RABGEF1: variants seen among roughly 807,000 people sequenced by gnomAD.
RABGEF1 encodes rab5 GDP/GTP exchange factor.
A neutral mutation model predicts 57.3 loss-of-function variants in RABGEF1; 26 were observed. The ratio of observed to expected loss-of-function variants is 0.45; its 90% CI spans 0.33 to 0.63. The LOEUF is 0.63. Among genes scored for constraint, RABGEF1 ranks in the 20% least tolerant of loss-of-function variants. RABGEF1 has a pLI of 0.02. For synonymous variants in RABGEF1, 185 were observed against 210.7 expected, an observed-to-expected ratio of 0.88 and a Z score of 1.06; for missense variants, 464 against 607.6, an observed-to-expected ratio of 0.76 and a Z score of 2.48.
intron 2 of RABGEF1, among the ~76,000 whole-genome samples, chr7:66,721,747 C>A (rs1796075558): frequency 1.3e-5 from 2 of 152,248 alleles, no homozygotes; most frequent in Non-Finnish European, 1.5e-5. Context: ...GCGGGCAGAT[C>A]TCTTGAGCTT....
chr7:66,717,012 C>T (rs866046137), intron 2 of RABGEF1, among the ~76,000 whole-genome samples: 1 of 152,226 alleles, frequency 6.6e-6, no homozygotes, highest in Non-Finnish European at 1.5e-5. Flanking sequence ...CTCCTGGCCT[C>T]AGGTGATCCG....
chr7:66,682,170 C>T (rs1463356284), exon 1 of RABGEF1: 3 of 167,502 alleles, frequency 1.8e-5, no homozygotes, highest in Non-Finnish European at 4.4e-5. Flanking sequence ...GAACCCAGAC[C>T]TGCCGAGCGA....
chr7:66,805,052 A>G (rs762327932), intron 7 of RABGEF1, 88 bp from the exon 8 acceptor site: 201 of 1,409,972 alleles, frequency 1.4e-4, no homozygotes, highest in Admixed American at 8.8e-4. Context: ...GGATTCCTTC[A>G]TAACTTTAGA....
intron 1 of RABGEF1, chr7:66,770,312 T>G (rs1377868559): frequency 6.6e-6 from 1 of 152,232 alleles, no homozygotes; most frequent in Non-Finnish European, 1.5e-5. Flanking sequence ...TTTTCTGTGC[T>G]TGTTTGGCAG....
chr7:66,783,436 T>C (rs1335654999), intron 3 of RABGEF1, among the ~76,000 whole-genome samples: 1 of 152,230 alleles, frequency 6.6e-6, no homozygotes, highest in Non-Finnish European at 1.5e-5. Flanking sequence ...AGAACAACTT[T>C]TATTTCAGTA....
the RABGEF1 span, among the ~76,000 whole-genome samples, chr7:66,662,991 C>T: frequency 2.0e-5 from 3 of 152,214 alleles, no homozygotes; most frequent in Non-Finnish European, 4.4e-5. Context: ...ATGGCCCTAA[C>T]GCCCAAGCTG....
rs146819005 is a variant in RABGEF1 at position 66,779,815 on chromosome 7, C to G, written c.347-3860C>G. On this transcript the variant is annotated intron_variant, in intron 3 of 8. Transcript: ENST00000284957. ...ATATTTCCTACTTCTTCACTTCTTT[C>G]ATCTTACACACGGAATCCCTATTGG... 6.2e-3 allele frequency among the ~76,000 whole-genome samples: 944 copies of G among 152,204 alleles called. 10 individuals are homozygous for G. Among genetic ancestry groups the G allele is most frequent in the African/African-American group, 0.021 (883 of 41,546 alleles).
chr7:66,750,203 A>T (rs1801105406), intron 1 of RABGEF1, among the ~76,000 whole-genome samples: 1 of 152,162 alleles, frequency 6.6e-6, no homozygotes, highest in Non-Finnish European at 1.5e-5. Context: ...TTATTTGTCT[A>T]GGGTTTTAAA....
At chr7:66,746,618 C>CTT (rs1206614304) in intron 1 of RABGEF1, among the ~76,000 whole-genome samples, 121 of 92,196 alleles carry the variant, frequency 1.3e-3, no homozygotes, top group Non-Finnish European at 1.4e-3. Flanking sequence ...ATAATATAAC[C>CTT]TTTTTTTTTT....
At chr7:66,783,633 C>A in intron 3 of RABGEF1, 42 bp from the exon 4 acceptor site, 1 of 1,521,636 alleles carries the variant, frequency 6.6e-7, no homozygotes, top group South Asian at 1.3e-5. Flanking sequence ...ATGCATGGAT[C>A]TTTTATGTCA....
the RABGEF1 span, among the ~76,000 whole-genome samples, chr7:66,659,366 C>T: frequency 1.3e-5 from 2 of 151,630 alleles, no homozygotes; most frequent in African/African-American, 2.4e-5. Flanking sequence ...GCAGGGGAAT[C>T]GCTTGAACAC....
chr7:66,742,669 C>G (rs1367334403), intron 1 of RABGEF1, among the ~76,000 whole-genome samples: 1 of 152,102 alleles, frequency 6.6e-6, no homozygotes, highest in African/African-American at 2.4e-5. Flanking sequence ...TACAGTGACA[C>G]GATCACGAGT....
intron 1 of RABGEF1, among the ~76,000 whole-genome samples, chr7:66,685,875 T>G (rs184587089): frequency 1.1e-4 from 16 of 152,322 alleles, no homozygotes; most frequent in African/African-American, 3.8e-4. Context: ...AGCAAACATC[T>G]CTAGCAGAGA....
chr7:66,715,050 C>T (rs1333240416), intron 2 of RABGEF1, among the ~76,000 whole-genome samples: 3 of 151,890 alleles, frequency 2.0e-5, no homozygotes, highest in South Asian at 4.2e-4. Context: ...ACTTCTTCTC[C>T]TTCTCTTTCT....
upstream of RABGEF1, among the ~76,000 whole-genome samples, chr7:66,680,288 C>A (rs1299840362): frequency 6.6e-6 from 1 of 151,906 alleles, no homozygotes; most frequent in Non-Finnish European, 1.5e-5. Flanking sequence ...CTCTTGTTGC[C>A]CAAGCTGGAG....
chr7:66,797,609 A>G (rs557390788), intron 6 of RABGEF1, 103 bp downstream of exon 6: 163 of 1,279,464 alleles, frequency 1.3e-4, no homozygotes, highest in Non-Finnish European at 1.7e-4. Context: ...AGGGAAAGCA[A>G]TAGCTCATGT....
At chr7:66,662,819 G>T in the RABGEF1 span, among the ~76,000 whole-genome samples, 1 of 151,778 alleles carries the variant, frequency 6.6e-6, no homozygotes, top group Non-Finnish European at 1.5e-5. Flanking sequence ...GTAGGTGTGC[G>T]TGTGCAGGCA....
At chr7:66,788,313 C>A (rs1304790167) in intron 4 of RABGEF1, among the ~76,000 whole-genome samples, 1 of 151,972 alleles carries the variant, frequency 6.6e-6, no homozygotes, top group African/African-American at 2.4e-5. Context: ...GGCATGGTGG[C>A]GCTCGCCTGT....
the RABGEF1 span, among the ~76,000 whole-genome samples, chr7:66,665,758 G>C: frequency 6.6e-6 from 1 of 152,216 alleles, no homozygotes; most frequent in Non-Finnish European, 1.5e-5. Flanking sequence ...GTAGCTTGGG[G>C]GGTGGCCTGG....
Sources: gnomAD v4.1 joint callset for allele counts (sites outside exome capture counted in the v4.1 genomes callset) on GRCh38, gnomAD v4.1.1 for gene constraint, MANE v1.5 for transcripts, NCBI Gene and HGNC (gene_info 2026-07-23, HGNC 2026-07-21) for gene names.